The following WDFY4 variants were observed in gnomAD, a reference collection of about 807,000 sequenced individuals.
WDFY4 encodes WD repeat- and FYVE domain-containing protein 4.
In WDFY4, 169 loss-of-function variants were observed where a neutral mutation model predicts 351.9. That is an observed-to-expected ratio of 0.48 (90% CI 0.42 to 0.55). WDFY4 has a LOEUF of 0.55. Ranked by LOEUF, WDFY4 falls within the 20% of genes least tolerant of loss-of-function variation. The pLI is 0.00. For synonymous variants in WDFY4, 1,622 were observed against 1,574.6 expected, an observed-to-expected ratio of 1.03 and a Z score of -0.71; for missense variants, 3,803 against 3,935.6, an observed-to-expected ratio of 0.97 and a Z score of 0.90.
At chr10:48,974,375 G>A (rs1454201190) in intron 57 of WDFY4, among the ~76,000 whole-genome samples, 1 of 151,592 alleles carries the variant, frequency 6.6e-6, no homozygotes, top group Non-Finnish European at 1.5e-5. Context: ...ATGGTGGCAG[G>A]CACCTGTAAT....
chr10:48,695,371 C>CTTCA (rs933908152), intron 1 of WDFY4, among the ~76,000 whole-genome samples: 13 of 152,146 alleles, frequency 8.5e-5, no homozygotes, highest in Non-Finnish European at 1.3e-4. Flanking sequence ...ACACTGCAGG[C>CTTCA]TTCAGCTAGT....
intron 1 of WDFY4, among the ~76,000 whole-genome samples, chr10:48,704,758 G>A (rs1027271622): frequency 1.9e-4 from 29 of 152,206 alleles, no homozygotes; most frequent in African/African-American, 6.3e-4. Context: ...ACTGGCGAAG[G>A]GACCCTGGCC....
rs1358341531 is a variant in WDFY4, at chr10:48,787,883, TTCTTCTTCTCCTTCTTCTTC to T, written c.3809-645_3809-626del. On this transcript the variant is annotated intron_variant, in intron 20 of 61. Transcript: ENST00000325239. ...TTTCTTCTTCTTTCTTCTTTCTTTC[TTCTTCTTCTCCTTCTTCTTC>T]TTCTTCTTCTTCTTCTTCTTCTTCT... Among the ~76,000 whole-genome samples the T allele has an allele frequency of 4.8e-4, 43 of 90,046 alleles. 4 individuals are homozygous for T. Among genetic ancestry groups the T allele is most frequent in the African/African-American group, 2.4e-3 (29 of 12,054 alleles). The allele number at this position is 90,046 out of a possible 152,430, so 59.1% of individuals were successfully genotyped here.
At chr10:48,956,926 G>T (rs996698543) in intron 51 of WDFY4, among the ~76,000 whole-genome samples, 3 of 152,200 alleles carry the variant, frequency 2.0e-5, no homozygotes, top group African/African-American at 7.2e-5. Flanking sequence ...AAGCTCTGGA[G>T]CAAGGTTCCA....
chr10:48,708,224 G>T (rs1015083802), intron 1 of WDFY4, among the ~76,000 whole-genome samples: 1 of 152,134 alleles, frequency 6.6e-6, no homozygotes, highest in African/African-American at 2.4e-5. Context: ...CTGTGTGCTC[G>T]AAGAGGAGCT....
In WDFY4 at chr10:48,787,888, CTTCTCCTTCTTCTTCTT is replaced by C. The variant is rs1565198310; in HGVS notation, c.3809-641_3809-625del. 6.1e-4 allele frequency among the ~76,000 whole-genome samples: 45 copies of C among 73,604 alleles called. 4 individuals are homozygous for C. Among genetic ancestry groups the C allele is most frequent in the African/African-American group, 4.0e-3 (41 of 10,364 alleles). 48.3% of individuals were successfully genotyped at this position (73,604 alleles called of 152,430 possible). ...TCTTCTTTCTTCTTTCTTTCTTCTT[CTTCTCCTTCTTCTTCTT>C]CTTCTTCTTCTTCTTCTTCTTCTTC... On this transcript the variant is annotated intron_variant, in intron 20 of 61. Coordinates refer to ENST00000325239, the MANE Select transcript of WDFY4 (RefSeq NM_001394531.1).
intron 31 of WDFY4, among the ~76,000 whole-genome samples, chr10:48,815,883 G>GA (rs2067603857): frequency 1.3e-5 from 2 of 151,800 alleles, no homozygotes; most frequent in Admixed American, 1.3e-4. Context: ...ATATTAGTCT[G>GA]CAATTTAGTT....
In WDFY4 at chr10:48,838,566, G is replaced by GA. The variant is rs147013290; in HGVS notation, c.6663+5866dup. Among the ~76,000 whole-genome samples, 1,206 of 150,200 alleles carry GA rather than the reference G, an allele frequency of 8.0e-3. 15 individuals are homozygous for GA. The highest frequency in any genetic ancestry group is 0.038 in the East Asian group (192 of 5,118). On this transcript the variant is annotated intron_variant, in intron 39 of 61. Transcript: ENST00000325239. ...TGAGCACTTCACCCATTATCTTTTT[G>GA]AAAAAAAAATCATTGTGGAAATTCT...
chr10:48,812,043 C>G (rs1333156061), intron 30 of WDFY4, among the ~76,000 whole-genome samples: 1 of 152,198 alleles, frequency 6.6e-6, no homozygotes, highest in Non-Finnish European at 1.5e-5. Context: ...GCCCCTCATC[C>G]TCAACCACCC....
rs11101450 is a variant in WDFY4 at position 48,746,356 on chromosome 10, A to G, written c.2459+2808A>G. Reference sequence around the variant, plus strand: ...TAGTTGTACATTTTGCCTTAATAATAATAGGACTATATCAGGTTTCTTTTG... The same window carrying G: ...TAGTTGTACATTTTGCCTTAATAATGATAGGACTATATCAGGTTTCTTTTG... On this transcript the variant is annotated intron_variant, in intron 12 of 61. Coordinates refer to ENST00000325239, the MANE Select transcript of WDFY4 (RefSeq NM_001394531.1). 8.0e-4 allele frequency among the ~76,000 whole-genome samples: 122 copies of G among 152,328 alleles called. No homozygotes were observed. In the East Asian group the frequency reaches 0.021, roughly 26 times the overall value.
intron 10 of WDFY4, among the ~76,000 whole-genome samples, chr10:48,734,960 T>TC (rs1004210300): frequency 6.6e-6 from 1 of 150,604 alleles, no homozygotes; most frequent in Non-Finnish European, 1.5e-5. Context: ...TTTTTTTTTT[T>TC]TTGGTATTTT....
At chr10:48,938,672 C>T (rs575338290) in intron 47 of WDFY4, among the ~76,000 whole-genome samples, 35 of 152,216 alleles carry the variant, frequency 2.3e-4, no homozygotes, top group Non-Finnish European at 4.4e-4. Context: ...AGGGAAGGCC[C>T]TAAGGCCACA....
intron 25 of WDFY4, chr10:48,804,907 G>T: frequency 2.2e-6 from 1 of 462,178 alleles, no homozygotes; most frequent in Non-Finnish European, 2.8e-6. Flanking sequence ...TGCACTCCTG[G>T]CTGGTGGGAA....
rs189788145 is a variant in WDFY4, at chr10:48,734,821, G to T, written c.1687+786G>T. ...AGGCAGAGTCTCACTCTGTCACCAG[G>T]CTGGAGTGCAGTGGCATGATCTTGG... On this transcript the variant is annotated intron_variant, in intron 10 of 61. Coordinates refer to ENST00000325239, the MANE Select transcript of WDFY4 (RefSeq NM_001394531.1). Among the ~76,000 whole-genome samples, 1,084 of 151,588 alleles carry T rather than the reference G, an allele frequency of 7.2e-3. 9 individuals carry two copies. The highest frequency in any genetic ancestry group is 0.011 in the Non-Finnish European group (754 of 67,910).
intron 13 of WDFY4, among the ~76,000 whole-genome samples, chr10:48,769,593 GGC>G (rs761494778): frequency 3.9e-5 from 6 of 152,090 alleles, no homozygotes; most frequent in Non-Finnish European, 8.8e-5. Flanking sequence ...GCAGGCACTG[GGC>G]CTCTCTGGTG....
At chr10:48,693,968 A>C (rs1724629873) in intron 1 of WDFY4, among the ~76,000 whole-genome samples, 1 of 152,220 alleles carries the variant, frequency 6.6e-6, no homozygotes, top group Non-Finnish European at 1.5e-5. Context: ...CCGGAGAACT[A>C]AGAGATCTTT....
chr10:48,910,290 T>A, intron 47 of WDFY4: 1 of 1,544,778 alleles, frequency 6.5e-7, no homozygotes, highest in Non-Finnish European at 8.8e-7. Context: ...GGTGAGGCAA[T>A]TGCTCCAGGC....
rs1389722967 is a variant in WDFY4 at position 48,963,982 on chromosome 10, C to A, written c.8364C>A (p.Ser2788Arg). ...TCTACGGTGACAGAATGGACCTCAG[C>A]AGCATCACTGACCCCCTCATCAAAA... ...PYFYGDRMDL[S>R]SITDPLIKST... The change falls in exon 54 of 62, where the codon AGC (serine) becomes AGA (arginine). Residue 2788 changes from serine (S) to arginine (R), a missense_variant. Transcript: ENST00000325239. The A allele has an allele frequency of 1.9e-6, 3 of 1,550,634 alleles. No homozygotes were observed. Among genetic ancestry groups the A allele is most frequent in the Non-Finnish European group, 2.6e-6 (3 of 1,146,998 alleles).
intron 57 of WDFY4, among the ~76,000 whole-genome samples, chr10:48,974,469 C>T (rs372767991): frequency 8.0e-6 from 1 of 125,656 alleles, no homozygotes; most frequent in Admixed American, 1.0e-4. Context: ...TGCCATTGCA[C>T]TCCAGCCTAG....
Sources: gnomAD v4.1 joint callset for allele counts (sites outside exome capture counted in the v4.1 genomes callset) on GRCh38, gnomAD v4.1.1 for gene constraint, MANE v1.5 for transcripts, NCBI Gene and HGNC (gene_info 2026-07-23, HGNC 2026-07-21) for gene names.